CNTN3: variants seen among roughly 807,000 people sequenced by gnomAD.
The protein encoded by CNTN3 is contactin-3.
Under a neutral mutation model 119.1 loss-of-function variants are expected in CNTN3, and 60 were observed. The ratio of observed to expected loss-of-function variants is 0.50; its 90% confidence interval spans 0.41 to 0.62. The LOEUF is 0.62. Among genes scored for constraint, CNTN3 ranks in the 20% least tolerant of loss-of-function variants. The probability of loss-of-function intolerance (pLI) is 0.00; values close to 1 mark genes in which losing one functional copy is unlikely to be tolerated. For missense variants in CNTN3, 1,101 were observed against 1,242.4 expected (o/e 0.89, Z 1.71); for synonymous variants, 450 against 438.7 (o/e 1.03, Z -0.32).
chr3:74,454,538 A>T (rs1244006516), intron 4 of CNTN3, among the ~76,000 whole-genome samples: 1 of 151,518 alleles, frequency 6.6e-6, no homozygotes, highest in Non-Finnish European at 1.5e-5. Flanking sequence ...TTATGTGTGA[A>T]TTTGATCCTG....
At chr3:74,366,780 G>GTGTATATATATATATATATATATATATA (rs1447686332) in intron 8 of CNTN3, among the ~76,000 whole-genome samples, 2 of 63,702 alleles carry the variant, frequency 3.1e-5, no homozygotes, top group Non-Finnish European at 5.3e-5. Flanking sequence ...GTGTGTGTGT[G>GTGTATATATATATATATATATATATATA]TATATATATA....
At chr3:74,443,457 T>C (rs2106932461) in intron 4 of CNTN3, among the ~76,000 whole-genome samples, 1 of 152,176 alleles carries the variant, frequency 6.6e-6, no homozygotes, top group East Asian at 1.9e-4. Context: ...ACTTGTCCAA[T>C]CCTGCCCCTC....
intron 5 of CNTN3, among the ~76,000 whole-genome samples, chr3:74,375,564 A>T (rs1421557005): frequency 1.3e-5 from 2 of 152,166 alleles, no homozygotes; most frequent in Non-Finnish European, 2.9e-5. Context: ...TAAACCCAAG[A>T]GTCCTTATAA....
chr3:74,467,824 C>A (rs1042885211), intron 4 of CNTN3, among the ~76,000 whole-genome samples: 1 of 152,100 alleles, frequency 6.6e-6, no homozygotes, highest in African/African-American at 2.4e-5. Context: ...AAAATCCCAA[C>A]AGAACGGTAA....
At chr3:74,582,640 T>C (rs1473300352) in intron 1 of CNTN3, among the ~76,000 whole-genome samples, 2 of 152,202 alleles carry the variant, frequency 1.3e-5, no homozygotes, top group African/African-American at 4.8e-5. Context: ...TAGGATATAC[T>C]TTCTTCTTTA....
intron 5 of CNTN3, 65 bp from the exon 6 acceptor site, chr3:74,371,464 A>C (rs1704337433): frequency 2.5e-6 from 3 of 1,204,740 alleles, no homozygotes; most frequent in African/African-American, 3.0e-5. Flanking sequence ...TTGTGTCCTT[A>C]ATGTATCTAT....
intron 13 of CNTN3, among the ~76,000 whole-genome samples, chr3:74,310,712 A>G (rs1016298391): frequency 6.6e-6 from 1 of 152,200 alleles, no homozygotes; most frequent in Non-Finnish European, 1.5e-5. Context: ...CAAGACATTC[A>G]CAAAAGTATA....
intron 20 of CNTN3, among the ~76,000 whole-genome samples, chr3:74,276,545 A>G (rs1701883681): frequency 6.6e-6 from 1 of 152,166 alleles, no homozygotes; most frequent in South Asian, 2.1e-4. Flanking sequence ...CATTGAGTCA[A>G]AAATGAAATC....
chr3:74,431,609 A>C (rs535117259), intron 4 of CNTN3, among the ~76,000 whole-genome samples: 33 of 152,226 alleles, frequency 2.2e-4, no homozygotes, highest in Non-Finnish European at 4.4e-4. Context: ...GTATTTGACC[A>C]AATAATTCTA....
chr3:74,314,496 G>A (rs1372126532), intron 13 of CNTN3, among the ~76,000 whole-genome samples: 1 of 152,110 alleles, frequency 6.6e-6, no homozygotes, highest in Non-Finnish European at 1.5e-5. Context: ...AAAGACAGCA[G>A]GAGTAGCTAT....
chr3:74,296,975 G>T (rs1244579256), intron 18 of CNTN3, among the ~76,000 whole-genome samples: 1 of 151,822 alleles, frequency 6.6e-6, no homozygotes, highest in African/African-American at 2.4e-5. Context: ...TTCTAAAGCG[G>T]TCATGAGACA....
At chr3:74,564,579 T>C (rs946392797) in intron 1 of CNTN3, among the ~76,000 whole-genome samples, 3 of 150,196 alleles carry the variant, frequency 2.0e-5, no homozygotes, top group African/African-American at 4.9e-5. Flanking sequence ...AAGGATCTAG[T>C]AGGCACAAGG....
At chr3:74,405,381 G>C (rs1447617311) in intron 5 of CNTN3, among the ~76,000 whole-genome samples, 1 of 150,438 alleles carries the variant, frequency 6.6e-6, no homozygotes, top group Non-Finnish European at 1.5e-5. Flanking sequence ...TCATCATTTT[G>C]TGTTACTGCC....
intron 1 of CNTN3, among the ~76,000 whole-genome samples, chr3:74,592,054 T>TA (rs960337864): frequency 2.0e-5 from 3 of 151,642 alleles, no homozygotes; most frequent in African/African-American, 7.3e-5. Flanking sequence ...TGGAGACACA[T>TA]AAAAAATCTC....
chr3:74,494,371 A>C (rs1398215744), intron 3 of CNTN3, among the ~76,000 whole-genome samples: 1 of 152,140 alleles, frequency 6.6e-6, no homozygotes, highest in African/African-American at 2.4e-5. Context: ...TCTAACCTTT[A>C]TGTCTCTGCT....
At chr3:74,498,363 C>A (rs1283832856) in intron 3 of CNTN3, among the ~76,000 whole-genome samples, 1 of 151,796 alleles carries the variant, frequency 6.6e-6, no homozygotes, top group Non-Finnish European at 1.5e-5. Flanking sequence ...GGAACTAGTT[C>A]ATGAAATAGT....
At chr3:74,376,057 T>C (rs965601725) in intron 5 of CNTN3, among the ~76,000 whole-genome samples, 1 of 152,078 alleles carries the variant, frequency 6.6e-6, no homozygotes, top group African/African-American at 2.4e-5. Flanking sequence ...CACTTGCTGG[T>C]GGCCAAGAGC....
chr3:74,271,498 G>A (rs1171174070), intron 20 of CNTN3, among the ~76,000 whole-genome samples: 3 of 152,152 alleles, frequency 2.0e-5, no homozygotes, highest in African/African-American at 7.2e-5. Context: ...ATTGCCTGGA[G>A]CTTTCAATGG....
intron 1 of CNTN3, among the ~76,000 whole-genome samples, chr3:74,601,638 G>C (rs1428276248): frequency 6.6e-6 from 1 of 152,020 alleles, no homozygotes; most frequent in African/African-American, 2.4e-5. Flanking sequence ...TTGCATTATT[G>C]GCCCAAATTC....
Sources: gnomAD v4.1 joint callset for allele counts (sites outside exome capture counted in the v4.1 genomes callset) on GRCh38, gnomAD v4.1.1 for gene constraint, MANE v1.5 for transcripts, NCBI Gene and HGNC (gene_info 2026-07-23, HGNC 2026-07-21) for gene names.